ANO2: variants seen among roughly 807,000 people sequenced by gnomAD.
ANO2 encodes the protein anoctamin 2.
A neutral mutation model predicts 124.2 loss-of-function variants in ANO2; 101 were observed. The ratio of observed to expected loss-of-function variants is 0.81; its 90% CI spans 0.69 to 0.96. The LOEUF is 0.96. Among genes scored for constraint, ANO2 ranks in the 40% least tolerant of loss-of-function variants. The pLI is 0.00. For missense variants in ANO2, 1,293 were observed against 1,274.5 expected (o/e 1.01, Z -0.22); for synonymous variants, 486 against 482.5 (o/e 1.01, Z -0.09).
intron 18 of ANO2, 46 bp from the exon 19 acceptor site, chr12:5,612,802 C>G: frequency 6.2e-7 from 1 of 1,610,300 alleles, no homozygotes; most frequent in South Asian, 1.1e-5. Flanking sequence ...CAAAAGGGAG[C>G]TCTGAGAAGC....
At chr12:5,803,855 G>A (rs1484923122) in intron 9 of ANO2, among the ~76,000 whole-genome samples, 1 of 152,202 alleles carries the variant, frequency 6.6e-6, no homozygotes, top group African/African-American at 2.4e-5. Context: ...TCAGGAGAGG[G>A]AGACTGACAT....
In ANO2 at chr12:5,565,682, G is replaced by T; in HGVS notation, c.2622-19C>A. Reference sequence around the variant, plus strand: ...CTTAAACCTGCCCAAAGAGAAATGTGGTGTTAAGATCAGGAGCGCATGGAG... The same window carrying T: ...CTTAAACCTGCCCAAAGAGAAATGTTGTGTTAAGATCAGGAGCGCATGGAG... On this transcript the variant is annotated intron_variant, in intron 23 of 24. Transcript: ENST00000682330. 1 of 1,563,632 alleles carries T rather than the reference G, an allele frequency of 6.4e-7. No individual in the cohort carries two copies. Among genetic ancestry groups the T allele is most frequent in the Non-Finnish European group, 8.7e-7 (1 of 1,152,548 alleles).
At chr12:5,916,786 C>T (rs1241683286) in intron 3 of ANO2, among the ~76,000 whole-genome samples, 5 of 150,910 alleles carry the variant, frequency 3.3e-5, no homozygotes, top group East Asian at 1.9e-4. Flanking sequence ...TGACTGCCTG[C>T]GAGGTAGCAG....
intron 20 of ANO2, among the ~76,000 whole-genome samples, chr12:5,591,036 C>T (rs948501623): frequency 6.6e-6 from 1 of 152,134 alleles, no homozygotes; most frequent in African/African-American, 2.4e-5. Flanking sequence ...AAAAAATTAG[C>T]AGGGCGTGAC....
chr12:5,571,924 C>T (rs185054110), intron 23 of ANO2, among the ~76,000 whole-genome samples: 9 of 152,182 alleles, frequency 5.9e-5, no homozygotes, highest in African/African-American at 1.2e-4. Flanking sequence ...GAAACGCAGC[C>T]CCCAGAGCAC....
chr12:5,891,854 G>T (rs1158857680), intron 3 of ANO2, among the ~76,000 whole-genome samples: 2 of 151,914 alleles, frequency 1.3e-5, no homozygotes, highest in Non-Finnish European at 2.9e-5. Context: ...ATAAAACCCA[G>T]ATTTCCATAA....
At chr12:5,799,373 G>A (rs1952968490) in intron 10 of ANO2, 134 bp downstream of exon 10, 2 of 773,332 alleles carry the variant, frequency 2.6e-6, no homozygotes, top group African/African-American at 1.7e-5. Flanking sequence ...GAGACACAGA[G>A]GAGTGGATCA....
chr12:5,592,953 G>T (rs1166011128), intron 20 of ANO2, among the ~76,000 whole-genome samples: 1 of 152,210 alleles, frequency 6.6e-6, no homozygotes, highest in African/African-American at 2.4e-5. Flanking sequence ...TGGTCTCCGA[G>T]AGGAACCTGC....
chr12:5,858,225 G>A (rs1319811947), intron 3 of ANO2, among the ~76,000 whole-genome samples: 5 of 152,098 alleles, frequency 3.3e-5, no homozygotes, highest in East Asian at 1.9e-4. Context: ...TGACAGATAC[G>A]CTAACTACCC....
At chr12:5,568,113 A>C (rs1219027589) in intron 23 of ANO2, among the ~76,000 whole-genome samples, 1 of 146,860 alleles carries the variant, frequency 6.8e-6, no homozygotes, top group African/African-American at 2.5e-5. Context: ...ATTCTACTCT[A>C]TCTGATCCTA....
intron 9 of ANO2, among the ~76,000 whole-genome samples, chr12:5,801,826 T>G (rs1452697585): frequency 1.3e-5 from 2 of 152,214 alleles, no homozygotes; most frequent in Non-Finnish European, 2.9e-5. Context: ...CTTATTCTTA[T>G]TAGTACATCT....
chr12:5,580,194 T>C (rs1347126952), intron 20 of ANO2, among the ~76,000 whole-genome samples: 1 of 152,178 alleles, frequency 6.6e-6, no homozygotes, highest in Non-Finnish European at 1.5e-5. Context: ...ATAATAGTAA[T>C]ACCCACCCAA....
rs531315503 is a variant in ANO2 at position 5,697,026 on chromosome 12, AG to A, written c.1545+35493del. Reference sequence around the variant, plus strand: ...TATGTACCAGTAAAATACTAAAAGCAGTCCATTTAAAAACAGGAATAAAATA... The same window carrying A: ...TATGTACCAGTAAAATACTAAAAGCATCCATTTAAAAACAGGAATAAAATA... On this transcript the variant is annotated intron_variant, in intron 14 of 24. Coordinates refer to ENST00000682330, the MANE Select transcript of ANO2 (RefSeq NM_001364791.2). Among the ~76,000 whole-genome samples the A allele has an allele frequency of 1.6e-3, 240 of 152,372 alleles. 1 individual carries two copies. The highest frequency in any genetic ancestry group is 0.01 in the Middle Eastern group (3 of 294).
intron 3 of ANO2, among the ~76,000 whole-genome samples, chr12:5,889,216 C>T (rs1447869004): frequency 6.6e-6 from 1 of 152,174 alleles, no homozygotes; most frequent in African/African-American, 2.4e-5. Context: ...CCCTGGTTCC[C>T]GACCATGCCT....
chr12:5,819,963 T>C (rs1953732138), intron 7 of ANO2, among the ~76,000 whole-genome samples: 1 of 152,112 alleles, frequency 6.6e-6, no homozygotes, highest in Non-Finnish European at 1.5e-5. Context: ...ATTGGCTTAT[T>C]AATCACAGTG....
In ANO2 at chr12:5,832,572, G is replaced by A; in HGVS notation, c.665C>T (p.Ala222Val). 6.2e-7 allele frequency: 1 copy of A among 1,613,808 alleles called. No individual in the cohort carries two copies. Among genetic ancestry groups the A allele is most frequent in the Non-Finnish European group, 8.5e-7 (1 of 1,179,826 alleles). Residue 222 changes from alanine to valine, a missense_variant, in exon 5 of 25, where the codon GCA becomes GTA. By Grantham distance (64) the Ala-to-Val change is moderately conservative. Coordinates refer to ENST00000682330, the MANE Select transcript of ANO2 (RefSeq NM_001364791.2). ...CTGCAGAGCCGCGCTGAACTTCTTT[G>A]CAATGCTGCCTCCTGCTTTGATCTC... The part of the protein sequence containing the change: ...MYEIKAGGSI[A>V]KKFSAALQKL...
intron 15 of ANO2, among the ~76,000 whole-genome samples, chr12:5,642,653 G>A (rs1946441657): frequency 6.6e-6 from 1 of 152,112 alleles, no homozygotes; most frequent in Non-Finnish European, 1.5e-5. Flanking sequence ...TGAAATGTAT[G>A]TCAGGTCATG....
rs778273827 is a variant in ANO2, at chr12:5,563,270, G to A, written c.*29C>T. ...CGTGCATGTGCGTGTCTCTGCTGCCGTGCCCTCCTCTGCTGCAGGCTGAAC... is the reference window on the plus strand; with the variant it reads ...CGTGCATGTGCGTGTCTCTGCTGCCATGCCCTCCTCTGCTGCAGGCTGAAC... On this transcript the variant is annotated 3_prime_UTR_variant, in exon 25 of 25. Transcript: ENST00000682330. 2.5e-5 allele frequency: 39 copies of A among 1,579,366 alleles called. No individual in the cohort carries two copies. Among genetic ancestry groups the A allele is most frequent in the East Asian group, 9.1e-5 (4 of 43,760 alleles).
chr12:5,769,617 G>A lies in ANO2; in HGVS notation c.1056-18647C>T, dbSNP rs1952010374. On this transcript the variant is annotated intron_variant, in intron 10 of 24. Transcript: ENST00000682330. The surrounding 1 kb of genome is among the most constrained non-coding windows in gnomAD (Gnocchi z 4.0). ...TGATTCCAGGTCTCCCTACCTACCT[G>A]TACATTCCTATCCGTGGGTGGTGGA... Among the ~76,000 whole-genome samples, 1 of 152,188 alleles carries A rather than the reference G, an allele frequency of 6.6e-6. No individual in the cohort carries two copies. Among genetic ancestry groups the A allele is most frequent in the Non-Finnish European group, 1.5e-5 (1 of 68,034 alleles).
Sources: gnomAD v4.1 joint callset for allele counts (sites outside exome capture counted in the v4.1 genomes callset) on GRCh38, gnomAD v4.1.1 for gene constraint, Gnocchi (gnomAD v3.1) non-coding constraint, MANE v1.5 for transcripts, NCBI Gene and HGNC (gene_info 2026-07-23, HGNC 2026-07-21) for gene names.